Variants in STAT5A observed in about 807,000 individuals in gnomAD.
The protein encoded by STAT5A is signal transducer and activator of transcription 5A.
In STAT5A, 26 loss-of-function variants were observed where a neutral mutation model predicts 100.2. The ratio of observed to expected loss-of-function variants is 0.26; its 90% CI spans 0.19 to 0.36. The LOEUF (loss-of-function observed/expected upper bound fraction) is 0.36. Among genes scored for constraint, STAT5A ranks in the 10% least tolerant of loss-of-function variants. STAT5A has a pLI of 1.00. For synonymous variants in STAT5A, 330 were observed against 424.3 expected, an observed-to-expected ratio of 0.78 and a Z score of 2.73; for missense variants, 634 against 1,027.5, an observed-to-expected ratio of 0.62 and a Z score of 5.24.
At position 42,310,814 on chromosome 17, in the gene STAT5A, G is replaced by A; in HGVS notation, c.*145G>A. ...TGTGTGTGTGTGTCCTTGTGCATGAGCTACGCCTGCCTCCCCTGTGCAGTC... is the reference window on the plus strand; with the variant it reads ...TGTGTGTGTGTGTCCTTGTGCATGAACTACGCCTGCCTCCCCTGTGCAGTC... On this transcript the variant is annotated 3_prime_UTR_variant, in exon 19 of 19. Transcript: ENST00000590949. 1 of 1,387,826 alleles carries A rather than the reference G, an allele frequency of 7.2e-7. No individual in the cohort carries two copies. The highest frequency in any genetic ancestry group is 1.4e-5 in the South Asian group (1 of 72,506). 86.0% of individuals were successfully genotyped at this position (1,387,826 alleles called of 1,614,324 possible).
At chr17:42,303,304 T>A (rs568554145) in intron 9 of STAT5A, among the ~76,000 whole-genome samples, 3 of 152,212 alleles carry the variant, frequency 2.0e-5, no homozygotes, top group African/African-American at 7.2e-5. Context: ...TGAAGACAAA[T>A]GACCTTCTCA....
intron 5 of STAT5A, among the ~76,000 whole-genome samples, chr17:42,298,169 C>CTTT (rs879476739): frequency 1.4e-5 from 2 of 146,718 alleles, no homozygotes; most frequent in African/African-American, 5.0e-5. Context: ...ATAATGGATA[C>CTTT]TTTTTTTTTT....
intron 4 of STAT5A, among the ~76,000 whole-genome samples, chr17:42,294,085 G>A (rs1305287349): frequency 3.3e-5 from 5 of 152,074 alleles, no homozygotes; most frequent in African/African-American, 9.7e-5. Context: ...GCGTGGTGGC[G>A]GGCGCCTGTA....
chr17:42,289,082 C>G (rs1177881994), intron 1 of STAT5A: 4 of 245,094 alleles, frequency 1.6e-5, no homozygotes, highest in Non-Finnish European at 2.3e-5. Flanking sequence ...CTGTGGGCCT[C>G]CCGCCGTCAA....
Position 42,289,398 on chromosome 17 carries a change from C to T in STAT5A, c.-10-4C>T, listed in dbSNP as rs1567685784. ...AGAGCGCTTCAGCGCTCGGCTCGCC[C>T]TAGGTGAACGGCCATGGCGGGCTGG... On this transcript the variant is annotated splice_region_variant and splice_polypyrimidine_tract_variant and intron_variant, in intron 1 of 18. Transcript: ENST00000590949. 9 of 1,605,166 alleles carry T rather than the reference C, an allele frequency of 5.6e-6. No individual in the cohort carries two copies. The highest frequency in any genetic ancestry group is 7.7e-6 in the Non-Finnish European group (9 of 1,176,052).
At chr17:42,302,147 C>A (rs1465169542) in intron 9 of STAT5A, among the ~76,000 whole-genome samples, 1 of 152,212 alleles carries the variant, frequency 6.6e-6, no homozygotes, top group African/African-American at 2.4e-5. Flanking sequence ...CCCTGGGCAA[C>A]AGGGTGAGAC....
In STAT5A at chr17:42,305,717, G is replaced by T; in HGVS notation, c.1473+15G>T. The T allele has an allele frequency of 6.2e-7, 1 of 1,613,484 alleles. No homozygotes were observed. Among genetic ancestry groups the T allele is most frequent in the Non-Finnish European group, 8.5e-7 (1 of 1,179,770 alleles). On this transcript the variant is annotated intron_variant, in intron 12 of 18. Coordinates refer to ENST00000590949, the MANE Select transcript of STAT5A (RefSeq NM_001288718.2). ...TTGCTGAGCCGGTGAGTCCCCGTGG[G>T]AGCCCTACCCCAGCACCCCCAGGCC...
At chr17:42,295,371 C>T (rs2080908835) in intron 4 of STAT5A, among the ~76,000 whole-genome samples, 2 of 152,158 alleles carry the variant, frequency 1.3e-5, no homozygotes, top group African/African-American at 2.4e-5. Context: ...GATATTTGGA[C>T]TTTGAAGGTG....
intron 5 of STAT5A, 66 bp downstream of exon 5, chr17:42,295,859 G>A (rs1265138347): frequency 2.2e-5 from 34 of 1,578,190 alleles, no homozygotes; most frequent in Non-Finnish European, 1.5e-5. Flanking sequence ...TGGACTCCTA[G>A]AGGGTAGAGC....
At chr17:42,303,368 A>ATTTTT (rs2080999260) in intron 9 of STAT5A, among the ~76,000 whole-genome samples, 1 of 152,152 alleles carries the variant, frequency 6.6e-6, no homozygotes, top group South Asian at 2.1e-4. Flanking sequence ...ACACTTTAAA[A>ATTTTT]GATCAGGCAG....
intron 13 of STAT5A, among the ~76,000 whole-genome samples, chr17:42,307,150 A>C (rs541876541): frequency 1.3e-5 from 2 of 152,266 alleles, no homozygotes; most frequent in East Asian, 3.9e-4. Flanking sequence ...CATCCAGCCT[A>C]GATTATTCTT....
chr17:42,306,023 A>C, intron 12 of STAT5A: 1 of 756,492 alleles, frequency 1.3e-6, no homozygotes, highest in Non-Finnish European at 2.1e-6. Context: ...CTGTCCCTGC[A>C]TGCCCCCACC....
chr17:42,298,987 G>A (rs752611814), intron 5 of STAT5A, among the ~76,000 whole-genome samples: 1 of 151,766 alleles, frequency 6.6e-6, no homozygotes, highest in Non-Finnish European at 1.5e-5. Flanking sequence ...GTCTCCCCTG[G>A]TTGGTCGGCT....
Position 42,311,468 on chromosome 17 carries a change from CTGTT to C in STAT5A, c.*803_*806del, listed in dbSNP as rs1340935112. The C allele has an allele frequency of 6.6e-6, 1 of 152,286 alleles. No homozygotes were observed. Among genetic ancestry groups the C allele is most frequent in the Non-Finnish European group, 1.5e-5 (1 of 68,058 alleles). The allele number at this position is 152,286 out of a possible 1,614,324, so 9.4% of individuals were successfully genotyped here. On this transcript the variant is annotated 3_prime_UTR_variant, in exon 19 of 19. Transcript: ENST00000590949. ...GCCCCAGCCTTCTTTGCTTGCCTCT[CTGTT>C]TGTAACCTTGTCGACAAAGAGGTAG...
chr17:42,309,596 C>A, intron 18 of STAT5A, 112 bp downstream of exon 18: 3 of 1,096,164 alleles, frequency 2.7e-6, no homozygotes, highest in Non-Finnish European at 3.9e-6. Flanking sequence ...AGGCCCAAGT[C>A]CAGGAGGAGT....
intron 3 of STAT5A, among the ~76,000 whole-genome samples, chr17:42,291,209 C>G (rs1396107409): frequency 6.6e-6 from 1 of 152,212 alleles, no homozygotes; most frequent in African/African-American, 2.4e-5. Context: ...TATGGGAATC[C>G]AGTGCCATTG....
chr17:42,304,228 G>T lies in STAT5A; in HGVS notation c.1170-114G>T, dbSNP rs1474109763. On this transcript the variant is annotated intron_variant, in intron 9 of 18. Transcript: ENST00000590949. The surrounding 1 kb of genome is among the most constrained non-coding windows in gnomAD (Gnocchi z 4.8). ...CAAGAAACACTCTTAGGGGATACGG[G>T]GCAGGGGCTGCTGGCAGGGCTGACC... 1 of 947,734 alleles carries T rather than the reference G, an allele frequency of 1.1e-6. No individual in the cohort carries two copies. Among genetic ancestry groups the T allele is most frequent in the South Asian group, 1.4e-5 (1 of 69,410 alleles). The allele number at this position is 947,734 out of a possible 1,614,324, so 58.7% of individuals were successfully genotyped here. A position where few individuals can be genotyped will look rare whatever the true frequency, so the allele number is the denominator to read the frequency against.
At chr17:42,301,680 A>T (rs1006413317) in intron 9 of STAT5A, among the ~76,000 whole-genome samples, 7 of 152,150 alleles carry the variant, frequency 4.6e-5, no homozygotes, top group Non-Finnish European at 8.8e-5. Flanking sequence ...TACCCTGGGG[A>T]TGGTGTGGCT....
rs1357354740 is a variant in STAT5A, at chr17:42,301,330, G to A, written c.1045G>A (p.Ala349Thr). The change falls in exon 9 of 19, where the codon GCA becomes ACA. Residue 349 changes from alanine (A) to threonine (T), a missense_variant. By Grantham distance (58) the Ala-to-Thr change is moderately conservative. Coordinates refer to ENST00000590949, the MANE Select transcript of STAT5A (RefSeq NM_001288718.2). Reference protein sequence around the residue: ...PQVLKTQTKFAATVRLLVGGK... With the variant: ...PQVLKTQTKFTATVRLLVGGK... ...GGTCCTGAAGACCCAGACCAAGTTT[G>A]CAGCCACCGTACGCCTGCTGGTGGG... 6.2e-7 allele frequency: 1 copy of A among 1,614,104 alleles called. No homozygotes were observed. Among genetic ancestry groups the A allele is most frequent in the Non-Finnish European group, 8.5e-7 (1 of 1,180,020 alleles).
Sources: gnomAD v4.1 joint callset for allele counts (sites outside exome capture counted in the v4.1 genomes callset) on GRCh38, gnomAD v4.1.1 for gene constraint, Gnocchi (gnomAD v3.1) non-coding constraint, MANE v1.5 for transcripts, NCBI Gene and HGNC (gene_info 2026-07-23, HGNC 2026-07-21) for gene names.